MAST2: variants seen among roughly 807,000 people sequenced by gnomAD.
MAST2 encodes microtubule-associated serine/threonine-protein kinase 2.
MAST2 carries 70 observed loss-of-function variants against 147.4 expected under a neutral mutation model. The observed-to-expected ratio is 0.47, with a 90% CI of 0.39 to 0.58. The LOEUF is 0.58. Among genes scored for constraint, MAST2 ranks in the 20% least tolerant of loss-of-function variants. The pLI is 0.00. For missense variants in MAST2, 2,080 were observed against 2,302.3 expected (o/e 0.90, Z 1.98); for synonymous variants, 869 against 896.8 (o/e 0.97, Z 0.55).
At chr1:45,900,444 A>ATTTTTT (rs1557883752) in intron 4 of MAST2, among the ~76,000 whole-genome samples, 4 of 14,864 alleles carry the variant, frequency 2.7e-4, no homozygotes, top group African/African-American at 1.8e-3. Flanking sequence ...GTGATGTTGG[A>ATTTTTT]TATTTTTTTT....
chr1:45,988,083 G>T (rs891400333), intron 5 of MAST2, among the ~76,000 whole-genome samples: 2 of 152,126 alleles, frequency 1.3e-5, no homozygotes, highest in African/African-American at 4.8e-5. Flanking sequence ...CCTGATCATA[G>T]CTTACTGCAG....
chr1:45,855,281 A>G (rs1027188751), intron 3 of MAST2, among the ~76,000 whole-genome samples: 4 of 152,200 alleles, frequency 2.6e-5, no homozygotes, highest in Admixed American at 1.3e-4. Context: ...ACCAAAAAAT[A>G]TATATTTTTA....
rs75423875 is a variant in MAST2, at chr1:45,910,271, A to G, written c.500+27876A>G. 1.9e-4 allele frequency among the ~76,000 whole-genome samples: 29 copies of G among 152,210 alleles called. No homozygotes were observed. The East Asian group carries it at 5.4e-3, about 28-fold the overall frequency. On this transcript the variant is annotated intron_variant, in intron 4 of 28. Transcript: ENST00000361297. Reference sequence around the variant, plus strand: ...GGATTTAAAAATAAGACGTAGTTATATCCACAGAGTACAAAGTTTGAATAT... The same window carrying G: ...GGATTTAAAAATAAGACGTAGTTATGTCCACAGAGTACAAAGTTTGAATAT...
chr1:45,987,777 A>ATTTTTTTTTTTTTTTTTTTTTTTTTTTTT, intron 5 of MAST2, among the ~76,000 whole-genome samples: 28 of 21,810 alleles, frequency 1.3e-3, no homozygotes, highest in Non-Finnish European at 1.5e-3. Flanking sequence ...TTTTTTTTTG[A>ATTTTTTTTTTTTTTTTTTTTTTTTTTTTT]TTTTTTTTTT....
At chr1:46,011,600 G>A (rs954625799) in intron 10 of MAST2, among the ~76,000 whole-genome samples, 6 of 152,134 alleles carry the variant, frequency 3.9e-5, no homozygotes, top group South Asian at 2.1e-4. Context: ...AGACCACAGC[G>A]GCTCCATGTT....
intron 4 of MAST2, among the ~76,000 whole-genome samples, chr1:45,882,814 G>C (rs1009229509): frequency 6.6e-6 from 1 of 152,212 alleles, no homozygotes; most frequent in Admixed American, 6.5e-5. Context: ...TTGAGGCAAG[G>C]CCAGCTAAGT....
chr1:46,028,039 C>T (rs1378419339), intron 17 of MAST2, among the ~76,000 whole-genome samples, 176 bp downstream of exon 17: 1 of 152,174 alleles, frequency 6.6e-6, no homozygotes, highest in Admixed American at 6.5e-5. Context: ...ACATAGATTC[C>T]AGGCCCTAGA....
intron 4 of MAST2, among the ~76,000 whole-genome samples, chr1:45,885,452 G>C (rs1433061594): frequency 6.6e-6 from 1 of 152,100 alleles, no homozygotes; most frequent in East Asian, 1.9e-4. Context: ...AAATGGACAG[G>C]AACTCAAATA....
chr1:45,816,451 C>G (rs1644458129), intron 1 of MAST2, among the ~76,000 whole-genome samples: 1 of 152,142 alleles, frequency 6.6e-6, no homozygotes, highest in African/African-American at 2.4e-5. Flanking sequence ...GATAGAGATA[C>G]ATGACCTTTC....
intron 4 of MAST2, among the ~76,000 whole-genome samples, chr1:45,894,673 A>T (rs1648436022): frequency 1.3e-5 from 2 of 152,318 alleles, no homozygotes; most frequent in South Asian, 4.1e-4. Context: ...AGCTTTTCAG[A>T]CTCAGGTATT....
intron 4 of MAST2, among the ~76,000 whole-genome samples, chr1:45,894,213 C>G (rs1648339097): frequency 7.4e-6 from 1 of 134,452 alleles, no homozygotes; most frequent in Non-Finnish European, 1.6e-5. Flanking sequence ...GACCCTGTCT[C>G]AAATTAAAAA....
intron 8 of MAST2, among the ~76,000 whole-genome samples, chr1:46,006,851 G>A (rs1329864905): frequency 6.6e-6 from 1 of 152,190 alleles, no homozygotes; most frequent in Non-Finnish European, 1.5e-5. Flanking sequence ...GAGAACAATG[G>A]TATCATCAAT....
At chr1:45,996,873 C>T (rs974660831) in intron 5 of MAST2, among the ~76,000 whole-genome samples, 1 of 152,158 alleles carries the variant, frequency 6.6e-6, no homozygotes, top group African/African-American at 2.4e-5. Context: ...AAGTACCAGG[C>T]CCCTGGGAGG....
At chr1:45,975,208 G>A (rs1644087391) in intron 5 of MAST2, among the ~76,000 whole-genome samples, 1 of 152,148 alleles carries the variant, frequency 6.6e-6, no homozygotes, top group African/African-American at 2.4e-5. Flanking sequence ...CTAAATGTGT[G>A]TCCAGGGTGC....
At position 46,035,677 on chromosome 1, in the gene MAST2, C is replaced by T. The variant is rs1440426830; in HGVS notation, c.5008C>T (p.Pro1670Ser). The change falls in exon 29 of 29, where the codon CCA becomes TCA. Residue 1670 changes from proline to serine, a missense_variant. Physicochemically the swap from Pro to Ser is moderately conservative, Grantham distance 74. Coordinates refer to ENST00000361297, the MANE Select transcript of MAST2 (RefSeq NM_015112.3). The surrounding 1 kb of genome is among the most constrained non-coding windows in gnomAD (Gnocchi z 5.5). ...SLIEGPDRAS[P>S]SRKATMAGGL... ...TATTGAGGGCCCAGACAGGGCATCCCCAAGCAGAAAGGCAACCATGGCAGG... is the reference window on the plus strand; with the variant it reads ...TATTGAGGGCCCAGACAGGGCATCCTCAAGCAGAAAGGCAACCATGGCAGG... 8.1e-6 allele frequency: 13 copies of T among 1,613,760 alleles called. No individual in the cohort carries two copies. Among genetic ancestry groups the T allele is most frequent in the Non-Finnish European group, 1.1e-5 (13 of 1,179,996 alleles).
rs753944977 is a variant in MAST2 at position 46,023,907 on chromosome 1, C to T, written c.1707C>T (p.Asn569=). 2 of 1,614,226 alleles carry T rather than the reference C, an allele frequency of 1.2e-6. No homozygotes were observed. The highest frequency in any genetic ancestry group is 2.2e-5 in the South Asian group (2 of 91,088). ...VERDILTFAE[N]PFVVSMFCSF... ...GTGACATACTGACTTTCGCTGAGAA[C>T]CCCTTTGTGGTCAGCATGTTCTGCT... is the stretch of plus-strand genomic sequence containing the variant. Residue 569 remains asparagine, a synonymous_variant, in exon 15 of 29, where the codon AAC becomes AAT. Transcript: ENST00000361297. The surrounding 1 kb of genome is among the most constrained non-coding windows in gnomAD (Gnocchi z 4.9).
chr1:46,007,732 A>G (rs1645545139), intron 8 of MAST2, among the ~76,000 whole-genome samples: 2 of 152,234 alleles, frequency 1.3e-5, no homozygotes, highest in South Asian at 4.1e-4. Context: ...TTAGGTTATC[A>G]GGGAAGACAA....
At chr1:45,896,230 C>T (rs1472665276) in intron 4 of MAST2, among the ~76,000 whole-genome samples, 2 of 152,030 alleles carry the variant, frequency 1.3e-5, no homozygotes, top group Non-Finnish European at 2.9e-5. Context: ...GGGGTTTCAC[C>T]ATATTGGCCA....
intron 10 of MAST2, among the ~76,000 whole-genome samples, chr1:46,019,078 A>C (rs530122454): frequency 6.6e-6 from 1 of 152,148 alleles, no homozygotes; most frequent in South Asian, 2.1e-4. Flanking sequence ...CCTTGTCTGC[A>C]TTCTTCTGCC....
Sources: allele counts gnomAD v4.1 joint callset (sites outside exome capture counted in the v4.1 genomes callset), GRCh38; gene constraint gnomAD v4.1.1; non-coding constraint Gnocchi (gnomAD v3.1); transcripts MANE v1.5; gene names NCBI Gene and HGNC (gene_info 2026-07-23, HGNC 2026-07-21).